Variants in CPED1 observed in about 807,000 individuals in gnomAD.
The protein encoded by CPED1 is cadherin-like and PC-esterase domain-containing protein 1.
A neutral mutation model predicts 128.2 loss-of-function variants in CPED1; 114 were observed. The ratio of observed to expected loss-of-function variants is 0.89; its 90% CI spans 0.76 to 1.04. The LOEUF (loss-of-function observed/expected upper bound fraction) is 1.04. Ranked by LOEUF, CPED1 falls within the 50% of genes least tolerant of loss-of-function variation. The pLI is 0.00. For synonymous variants in CPED1, 462 were observed against 426.7 expected (o/e 1.08, Z -1.02); for missense variants, 1,211 against 1,207.1 (o/e 1.00, Z -0.05).
chr7:121,067,980 ATTTG>A (rs1345324967), intron 5 of CPED1, among the ~76,000 whole-genome samples: 1 of 152,012 alleles, frequency 6.6e-6, no homozygotes, highest in Admixed American at 6.5e-5. Context: ...TTTCTTGTAA[ATTTG>A]TTTGAGTTCT....
intron 3 of CPED1, among the ~76,000 whole-genome samples, chr7:121,027,776 TAATGA>T (rs201948303): frequency 0.016 from 2,418 of 148,754 alleles, 53 homozygotes; most frequent in Non-Finnish European, 0.019. Context: ...ATAATAATAA[TAATGA>T]GTTTCAGCTC....
chr7:120,999,611 C>T (rs979359747), intron 2 of CPED1, among the ~76,000 whole-genome samples: 1 of 151,980 alleles, frequency 6.6e-6, no homozygotes, highest in South Asian at 2.1e-4. Context: ...TAAAATCTTG[C>T]TGATGGAATT....
chr7:121,228,575 T>C (rs1373145852), intron 16 of CPED1, among the ~76,000 whole-genome samples: 3 of 68,352 alleles, frequency 4.4e-5, no homozygotes, highest in Non-Finnish European at 8.5e-5. Flanking sequence ...GACAATGATA[T>C]GGAGATTTCT....
intron 7 of CPED1, among the ~76,000 whole-genome samples, chr7:121,104,456 T>A (rs983547832): frequency 6.6e-6 from 1 of 152,138 alleles, no homozygotes; most frequent in Non-Finnish European, 1.5e-5. Flanking sequence ...CAAAATAAGT[T>A]ACCCAACAGA....
chr7:121,143,010 C>T, intron 16 of CPED1, among the ~76,000 whole-genome samples: 1 of 151,822 alleles, frequency 6.6e-6, no homozygotes, highest in Non-Finnish European at 1.5e-5. Context: ...AATGTAACAG[C>T]CAGGCACAGT....
At position 121,295,468 on chromosome 7, in the gene CPED1, A is replaced by G. The variant is rs1376935311; in HGVS notation, c.2897A>G (p.Tyr966Cys). 6.8e-6 allele frequency: 11 copies of G among 1,613,212 alleles called. No individual in the cohort carries two copies. The highest frequency in any genetic ancestry group is 6.8e-6 in the Non-Finnish European group (8 of 1,179,550). ...GTGAAATCAAAGTTATCCAAAGAAT[A>G]TAACTTTATTAAAATGAAAAGATCA... Reference protein sequence around the residue: ...EVVKSKLSKEYNFIKMKRSRN... With the variant: ...EVVKSKLSKECNFIKMKRSRN... Residue 966 changes from tyrosine (Y) to cysteine (C), a missense_variant, in exon 23 of 23, where the codon TAT (tyrosine) becomes TGT (cysteine). Transcript: ENST00000310396.
chr7:121,073,370 G>T (rs1200499485), intron 5 of CPED1, among the ~76,000 whole-genome samples: 1 of 152,114 alleles, frequency 6.6e-6, no homozygotes, highest in African/African-American at 2.4e-5. Context: ...CCTCGGGGAG[G>T]CATAGGCAGA....
chr7:121,004,517 A>G (rs1431161427), intron 2 of CPED1, among the ~76,000 whole-genome samples: 1 of 152,150 alleles, frequency 6.6e-6, no homozygotes, highest in East Asian at 1.9e-4. Context: ...ATGATGACCC[A>G]TTGCAGAACT....
chr7:121,246,682 A>G (rs1411936476), intron 18 of CPED1, among the ~76,000 whole-genome samples: 1 of 152,216 alleles, frequency 6.6e-6, no homozygotes, highest in African/African-American at 2.4e-5. Context: ...TTTGGAGGAA[A>G]CATAAACTTT....
At chr7:121,176,370 T>A (rs2116484312) in intron 16 of CPED1, among the ~76,000 whole-genome samples, 1 of 152,058 alleles carries the variant, frequency 6.6e-6, no homozygotes, top group East Asian at 1.9e-4. Context: ...TTCCTTTCAT[T>A]TTCTCTGATT....
chr7:121,074,327 A>C (rs552212040), intron 5 of CPED1, among the ~76,000 whole-genome samples: 3 of 152,232 alleles, frequency 2.0e-5, no homozygotes, highest in Admixed American at 1.3e-4. Flanking sequence ...CTTGTTGTAT[A>C]GCCAAAAGAC....
intron 11 of CPED1, among the ~76,000 whole-genome samples, chr7:121,129,281 A>G (rs1584533465): frequency 1.2e-5 from 1 of 83,390 alleles, no homozygotes; most frequent in African/African-American, 5.1e-5. Flanking sequence ...GTGTGTGTGT[A>G]TATATGTATA....
intron 7 of CPED1, among the ~76,000 whole-genome samples, chr7:121,114,035 T>C (rs1258114139): frequency 6.6e-6 from 1 of 152,140 alleles, no homozygotes; most frequent in Non-Finnish European, 1.5e-5. Context: ...TTTCACCATG[T>C]TAGCCAGAAT....
At chr7:121,144,813 A>G (rs10280039) in intron 16 of CPED1, among the ~76,000 whole-genome samples, 97,792 of 151,758 alleles carry the variant, frequency 0.64, 31,840 homozygotes, top group East Asian at 0.89. Flanking sequence ...ATATACAACT[A>G]TTATGTATCC....
chr7:120,995,053 C>T (rs142072560), intron 2 of CPED1, among the ~76,000 whole-genome samples: 48 of 152,266 alleles, frequency 3.2e-4, no homozygotes, highest in South Asian at 1.7e-3. Flanking sequence ...CTCCTGCCAG[C>T]GAACATGTGT....
chr7:121,006,589 G>T (rs1342740020), intron 2 of CPED1, among the ~76,000 whole-genome samples: 3 of 151,652 alleles, frequency 2.0e-5, no homozygotes, highest in Non-Finnish European at 2.9e-5. Flanking sequence ...CTCCAAAATA[G>T]GGAATCACAT....
intron 7 of CPED1, among the ~76,000 whole-genome samples, chr7:121,107,506 G>A (rs537637408): frequency 7.2e-5 from 11 of 152,160 alleles, no homozygotes; most frequent in Admixed American, 5.9e-4. Context: ...CAGGGAGAGA[G>A]AAATGAATTA....
At position 121,042,771 on chromosome 7, in the gene CPED1, T is replaced by C. The variant is rs1026281233; in HGVS notation, c.434-4116T>C. On this transcript the variant is annotated intron_variant, in intron 3 of 22. Coordinates refer to ENST00000310396, the MANE Select transcript of CPED1 (RefSeq NM_024913.5). ...AATATGTGGAACAATATTTGGCACA[T>C]TGTAAGTTCTGAAGAACTATTAGCT... Among the ~76,000 whole-genome samples the C allele has an allele frequency of 2.0e-5, 3 of 152,338 alleles. 1 individual carries two copies. The highest frequency in any genetic ancestry group is 1.9e-4 in the East Asian group (1 of 5,190).
intron 2 of CPED1, among the ~76,000 whole-genome samples, chr7:121,000,711 CAAT>C (rs1167461815): frequency 6.6e-6 from 1 of 152,098 alleles, no homozygotes; most frequent in Non-Finnish European, 1.5e-5. Flanking sequence ...ATAGATCTTA[CAAT>C]CTTCAGCACA....
Sources: gnomAD v4.1 joint callset for allele counts (sites outside exome capture counted in the v4.1 genomes callset) on GRCh38, gnomAD v4.1.1 for gene constraint, MANE v1.5 for transcripts, NCBI Gene and HGNC (gene_info 2026-07-23, HGNC 2026-07-21) for gene names.